The following CCT6B variants were observed in gnomAD, a reference collection of about 807,000 sequenced individuals.
CCT6B encodes chaperonin containing TCP1 subunit 6B.
Under a neutral mutation model 61.5 loss-of-function variants are expected in CCT6B, and 49 were observed. The ratio of observed to expected loss-of-function variants is 0.80; its 90% CI spans 0.63 to 1.01. CCT6B has a LOEUF of 1.01. CCT6B is among the 50% of genes least tolerant of loss of function. The pLI, the probability that CCT6B is intolerant of heterozygous loss-of-function variation, is 0.00. For missense variants in CCT6B, 666 were observed against 634.7 expected, an observed-to-expected ratio of 1.05 and a Z score of -0.53; for synonymous variants, 228 against 214.5, an observed-to-expected ratio of 1.06 and a Z score of -0.55.
chr17:34,928,794 TATGGACTATAAAATGACA>T (rs1343051082), intron 13 of CCT6B, among the ~76,000 whole-genome samples, 150 bp downstream of exon 13: 8 of 152,218 alleles, frequency 5.3e-5, no homozygotes, highest in African/African-American at 1.9e-4. Context: ...TAAAAGGGAC[TATGGACTATAAAATGACA>T]GAAGCTAGTT....
Position 34,956,371 on chromosome 17 carries a change from C to T in CCT6B, c.337-1772G>A, listed in dbSNP as rs921928284. Among the ~76,000 whole-genome samples, 6 of 152,188 alleles carry T rather than the reference C, an allele frequency of 3.9e-5. No individual in the cohort carries two copies. In the East Asian group the frequency reaches 9.6e-4, roughly 24 times the overall value. ...CTCCTCCTCATCCTGAAGATTTAGG[C>T]CAGGCCTTACTTCCTCCAGAGAGTT... is the stretch of plus-strand genomic sequence containing the variant. On this transcript the variant is annotated intron_variant, in intron 3 of 13. Coordinates refer to ENST00000314144, the MANE Select transcript of CCT6B (RefSeq NM_006584.4).
At chr17:34,942,957 G>A (rs746829887) in intron 5 of CCT6B, 51 bp from the exon 6 acceptor site, 3 of 1,040,174 alleles carry the variant, frequency 2.9e-6, no homozygotes, top group South Asian at 1.5e-5. Flanking sequence ...CTAAAATTTG[G>A]TATAAAATTA....
chr17:34,933,376 T>C (rs1378215753), intron 10 of CCT6B, among the ~76,000 whole-genome samples: 7 of 152,238 alleles, frequency 4.6e-5, no homozygotes, highest in Non-Finnish European at 1.0e-4. Flanking sequence ...ATGACTCTTA[T>C]TTAAATCAGA....
At chr17:34,947,810 C>A (rs999664907) in intron 5 of CCT6B, among the ~76,000 whole-genome samples, 1 of 151,816 alleles carries the variant, frequency 6.6e-6, no homozygotes, top group South Asian at 2.1e-4. Context: ...GGTGAAACCA[C>A]GTCTCTACTA....
intron 1 of CCT6B, 74 bp from the exon 2 acceptor site, chr17:34,959,724 AAT>A (rs1567675427): frequency 6.7e-6 from 7 of 1,038,284 alleles, no homozygotes; most frequent in African/African-American, 1.6e-5. Flanking sequence ...CATTATCCTT[AAT>A]AGAGGGAACT....
intron 4 of CCT6B, among the ~76,000 whole-genome samples, chr17:34,952,986 T>C (rs2090309198): frequency 6.6e-6 from 1 of 152,182 alleles, no homozygotes; most frequent in African/African-American, 2.4e-5. Context: ...CAGCAGAGCC[T>C]TTCTTCTGAC....
At chr17:34,953,569 G>A (rs968025599) in intron 4 of CCT6B, among the ~76,000 whole-genome samples, 13 of 151,942 alleles carry the variant, frequency 8.6e-5, no homozygotes, top group East Asian at 1.9e-4. Context: ...ACCTCAGGTC[G>A]TCTCCCCACC....
At chr17:34,953,341 A>ATATTT (rs1555550678) in intron 4 of CCT6B, among the ~76,000 whole-genome samples, 15 of 139,828 alleles carry the variant, frequency 1.1e-4, no homozygotes, top group African/African-American at 4.0e-4. Context: ...ATATATATAT[A>ATATTT]TTTTTTTGAG....
chr17:34,959,575 G>T lies in CCT6B; in HGVS notation c.201+12C>A. ...TTATTAAGGTTTATTAAAGTCAGCA[G>T]CATCAGCTCACCATCTCATCGAGCA... On this transcript the variant is annotated intron_variant, in intron 2 of 13. Transcript: ENST00000314144. The T allele has an allele frequency of 6.3e-7, 1 of 1,599,872 alleles. No individual in the cohort carries two copies. Among genetic ancestry groups the T allele is most frequent in the Non-Finnish European group, 8.6e-7 (1 of 1,167,092 alleles).
At chr17:34,960,348 C>T (rs1007066420) in intron 1 of CCT6B, among the ~76,000 whole-genome samples, 1 of 152,178 alleles carries the variant, frequency 6.6e-6, no homozygotes, top group Admixed American at 6.5e-5. Flanking sequence ...CCTTAATATA[C>T]CATGTTTTGT....
Position 34,935,405 on chromosome 17 carries a change from T to C in CCT6B, c.1214-2905A>G, listed in dbSNP as rs139928862. 1.7e-4 allele frequency among the ~76,000 whole-genome samples: 26 copies of C among 152,322 alleles called. No individual in the cohort carries two copies. In the East Asian group the frequency reaches 5.0e-3, roughly 29 times the overall value. ...CTTAAAAATTGTTAAACTGTAAATT[T>C]TATGTTATGTATATTTATCACAATT... is the stretch of plus-strand genomic sequence containing the variant. On this transcript the variant is annotated intron_variant, in intron 10 of 13. Coordinates refer to ENST00000314144, the MANE Select transcript of CCT6B (RefSeq NM_006584.4).
chr17:34,939,589 T>A (rs772000270), intron 9 of CCT6B, 28 bp downstream of exon 9: 9 of 1,394,334 alleles, frequency 6.5e-6, no homozygotes, highest in African/African-American at 2.8e-5. Context: ...GTATTCACTT[T>A]ATAACCACTG....
chr17:34,959,743 G>A lies in CCT6B; in HGVS notation c.138-93C>T, dbSNP rs936629241. On this transcript the variant is annotated intron_variant, in intron 1 of 13. Coordinates refer to ENST00000314144, the MANE Select transcript of CCT6B (RefSeq NM_006584.4). ...ATCCTTAATAGAGGGAACTGGGCTC[G>A]GAAAACTTCCACTGTACCATGGGAA... is the stretch of plus-strand genomic sequence containing the variant. 5.7e-5 allele frequency: 47 copies of A among 819,946 alleles called. No individual in the cohort carries two copies. In the East Asian group the frequency reaches 6.2e-4, roughly 11 times the overall value. The allele number at this position is 819,946 out of a possible 1,614,324, so 50.8% of individuals were successfully genotyped here.
intron 7 of CCT6B, among the ~76,000 whole-genome samples, 161 bp from the exon 8 acceptor site, chr17:34,940,782 G>C (rs945568586): frequency 2.6e-5 from 4 of 151,934 alleles, no homozygotes; most frequent in South Asian, 2.1e-4. Flanking sequence ...TAAAAACTGA[G>C]AAATTTTTAA....
chr17:34,936,862 T>C (rs987237967), intron 10 of CCT6B, among the ~76,000 whole-genome samples: 1 of 152,080 alleles, frequency 6.6e-6, no homozygotes, highest in Non-Finnish European at 1.5e-5. Context: ...TTTAATAAAA[T>C]TCCAATCAAG....
chr17:34,949,289 C>G (rs1261616173), intron 5 of CCT6B, among the ~76,000 whole-genome samples: 1 of 151,278 alleles, frequency 6.6e-6, no homozygotes, highest in Non-Finnish European at 1.5e-5. Context: ...AACCCCATCT[C>G]TACTAAAAAA....
At chr17:34,938,724 G>A (rs542847004) in intron 10 of CCT6B, among the ~76,000 whole-genome samples, 17 of 151,918 alleles carry the variant, frequency 1.1e-4, no homozygotes, top group African/African-American at 3.6e-4. Flanking sequence ...AAATTAGCCA[G>A]TTTCAAAACC....
chr17:34,941,648 GTCAGT>G (rs1483724779), intron 7 of CCT6B, among the ~76,000 whole-genome samples: 2 of 152,194 alleles, frequency 1.3e-5, no homozygotes, highest in East Asian at 3.8e-4. Flanking sequence ...CAGTTTGTCT[GTCAGT>G]CATTCTTCCA....
At chr17:34,928,864 T>C (rs2089999005) in intron 13 of CCT6B, 98 bp downstream of exon 13, 1 of 649,016 alleles carries the variant, frequency 1.5e-6, no homozygotes, top group East Asian at 2.8e-5. Context: ...TTGACAATTT[T>C]TCCACTGTAC....
Sources: gnomAD v4.1 joint callset for allele counts (sites outside exome capture counted in the v4.1 genomes callset) on GRCh38, gnomAD v4.1.1 for gene constraint, MANE v1.5 for transcripts, NCBI Gene and HGNC (gene_info 2026-07-23, HGNC 2026-07-21) for gene names.